UNC5C: variants seen among roughly 807,000 people sequenced by gnomAD.
UNC5C encodes the protein netrin receptor UNC5C.
Under a neutral mutation model 99.8 loss-of-function variants are expected in UNC5C, and 47 were observed. The ratio of observed to expected loss-of-function variants is 0.47; its 90% CI spans 0.37 to 0.60. The LOEUF (loss-of-function observed/expected upper bound fraction) is 0.60, where lower values mean the gene tolerates loss of function less well. Among genes scored for constraint, UNC5C ranks in the 20% least tolerant of loss-of-function variants. UNC5C has a pLI of 0.00. For missense variants in UNC5C, 1,062 were observed against 1,165.9 expected, an observed-to-expected ratio of 0.91 and a Z score of 1.30; for synonymous variants, 487 against 452.2, an observed-to-expected ratio of 1.08 and a Z score of -0.98.
At chr4:95,404,496 T>G (rs189588658) in intron 1 of UNC5C, among the ~76,000 whole-genome samples, 240 of 152,246 alleles carry the variant, frequency 1.6e-3, no homozygotes, top group Middle Eastern at 6.8e-3. Flanking sequence ...ATATAAATAG[T>G]TTTTTGCCTG....
chr4:95,358,063 T>G (rs1257328626), intron 1 of UNC5C, among the ~76,000 whole-genome samples: 1 of 152,128 alleles, frequency 6.6e-6, no homozygotes, highest in Non-Finnish European at 1.5e-5. Flanking sequence ...ATGTTTAGTA[T>G]AAGCTACCAT....
At chr4:95,432,889 C>T (rs1458440307) in intron 1 of UNC5C, among the ~76,000 whole-genome samples, 2 of 152,156 alleles carry the variant, frequency 1.3e-5, no homozygotes, top group African/African-American at 4.8e-5. Flanking sequence ...ACAGCCTTCA[C>T]ACTATGCTAC....
chr4:95,229,797 CTTTTTTTTTT>C lies in UNC5C; in HGVS notation c.1109-9631_1109-9622del, dbSNP rs71583694. Among the ~76,000 whole-genome samples, 25 of 79,550 alleles carry C rather than the reference CTTTTTTTTTT, an allele frequency of 3.1e-4. No homozygotes were observed. In the South Asian group the frequency reaches 7.0e-3, roughly 22 times the overall value. The allele number at this position is 79,550 out of a possible 152,430, so 52.2% of individuals were successfully genotyped here. A position where few individuals can be genotyped will look rare whatever the true frequency, so the allele number is the denominator to read the frequency against. On this transcript the variant is annotated intron_variant, in intron 7 of 15. Coordinates refer to ENST00000453304, the MANE Select transcript of UNC5C (RefSeq NM_003728.4). ...TATCCTCCCCAGAATCTGTTGTTTC[CTTTTTTTTTT>C]TTTTTTTTTTTTTTTTTTTTGAGAC...
chr4:95,304,330 C>A (rs923718398), intron 2 of UNC5C, among the ~76,000 whole-genome samples: 1 of 152,174 alleles, frequency 6.6e-6, no homozygotes, highest in Non-Finnish European at 1.5e-5. Context: ...CAATCCATCA[C>A]CCTTCTATGG....
At chr4:95,197,919 G>C (rs974624893) in intron 12 of UNC5C, among the ~76,000 whole-genome samples, 1 of 151,764 alleles carries the variant, frequency 6.6e-6, no homozygotes, top group Non-Finnish European at 1.5e-5. Context: ...CTGCCCATAC[G>C]GGTAAGACCA....
intron 1 of UNC5C, among the ~76,000 whole-genome samples, chr4:95,513,116 G>A (rs981087256): frequency 6.6e-6 from 1 of 152,134 alleles, no homozygotes; most frequent in African/African-American, 2.4e-5. Context: ...CTGAATGACC[G>A]AGGCTAAAAG....
chr4:95,474,667 A>C (rs528088720), intron 1 of UNC5C, among the ~76,000 whole-genome samples: 1 of 152,288 alleles, frequency 6.6e-6, no homozygotes, highest in Admixed American at 6.5e-5. Flanking sequence ...GTGGAAACAG[A>C]AATACAATTA....
intron 1 of UNC5C, among the ~76,000 whole-genome samples, chr4:95,434,151 C>T (rs1240623144): frequency 6.6e-6 from 1 of 152,100 alleles, no homozygotes; most frequent in Non-Finnish European, 1.5e-5. Flanking sequence ...TTCTAATCCA[C>T]TAGTTCATCT....
rs563419430 is a variant in UNC5C, at chr4:95,298,573, G to A, written c.490+3033C>T. Among the ~76,000 whole-genome samples, 13 of 152,094 alleles carry A rather than the reference G, an allele frequency of 8.5e-5. No individual in the cohort carries two copies. In the South Asian group the frequency reaches 1.7e-3, roughly 19 times the overall value. Reference sequence around the variant, plus strand: ...CCTCTTGCCCCTCCTTCAGGTCTTCGCAACTGTCAACTTCCTCAGCAAAGC... The same window carrying A: ...CCTCTTGCCCCTCCTTCAGGTCTTCACAACTGTCAACTTCCTCAGCAAAGC... On this transcript the variant is annotated intron_variant, in intron 3 of 15. Transcript: ENST00000453304.
At chr4:95,548,018 G>A (rs1002854515) in intron 1 of UNC5C, among the ~76,000 whole-genome samples, 12 of 152,180 alleles carry the variant, frequency 7.9e-5, no homozygotes, top group Non-Finnish European at 1.8e-4. Context: ...ACAAGCAGCC[G>A]GTTCCCCCAG....
intron 3 of UNC5C, among the ~76,000 whole-genome samples, chr4:95,293,472 C>T (rs550962242): frequency 6.6e-6 from 1 of 151,768 alleles, no homozygotes; most frequent in African/African-American, 2.4e-5. Flanking sequence ...TGCACACCAC[C>T]ACACTTGGTT....
chr4:95,278,464 T>C (rs181329982), intron 3 of UNC5C, 102 bp from the exon 4 acceptor site: 14 of 865,968 alleles, frequency 1.6e-5, no homozygotes, highest in Non-Finnish European at 2.2e-5. Context: ...ATCTGTGCTT[T>C]TTTTTCTTTC....
At chr4:95,190,619 C>A (rs1009976027) in intron 12 of UNC5C, among the ~76,000 whole-genome samples, 2 of 152,146 alleles carry the variant, frequency 1.3e-5, no homozygotes, top group African/African-American at 2.4e-5. Context: ...CGCCCAGCCC[C>A]CCTTGTACAG....
chr4:95,221,699 G>A (rs753669807), intron 7 of UNC5C, among the ~76,000 whole-genome samples: 1 of 152,178 alleles, frequency 6.6e-6, no homozygotes, highest in Admixed American at 6.5e-5. Context: ...CAGAAAACCA[G>A]TGATATCACA....
chr4:95,211,447 T>C lies in UNC5C; in HGVS notation c.1734-4651A>G, dbSNP rs1051478306. 3.9e-5 allele frequency among the ~76,000 whole-genome samples: 6 copies of C among 152,232 alleles called. 1 individual carries two copies. Among genetic ancestry groups the C allele is most frequent in the Non-Finnish European group, 8.8e-5 (6 of 68,046 alleles). ...TAAGCATTATGCTTATCTACCTCCA[T>C]TGAGGGACACTGATAGAAGCAGCCC... On this transcript the variant is annotated intron_variant, in intron 10 of 15. Coordinates refer to ENST00000453304, the MANE Select transcript of UNC5C (RefSeq NM_003728.4).
intron 12 of UNC5C, among the ~76,000 whole-genome samples, chr4:95,193,489 T>C (rs1737242116): frequency 6.6e-6 from 1 of 152,166 alleles, no homozygotes; most frequent in East Asian, 1.9e-4. Flanking sequence ...ATGCCACTCA[T>C]ATGAAACTTC....
chr4:95,522,185 T>C (rs770459350), intron 1 of UNC5C, among the ~76,000 whole-genome samples: 2 of 152,054 alleles, frequency 1.3e-5, no homozygotes, highest in Non-Finnish European at 1.5e-5. Flanking sequence ...TTTATTTCTA[T>C]ATATTAAGTA....
At chr4:95,512,792 A>G (rs967074373) in intron 1 of UNC5C, among the ~76,000 whole-genome samples, 2 of 152,180 alleles carry the variant, frequency 1.3e-5, no homozygotes, top group African/African-American at 4.8e-5. Context: ...CTACTAAGCA[A>G]AAGTAATTTT....
In UNC5C at chr4:95,168,032, T is replaced by C. The variant is rs1315237711; in HGVS notation, c.*1202A>G. 6.6e-6 allele frequency: 1 copy of C among 152,158 alleles called. No homozygotes were observed. The highest frequency in any genetic ancestry group is 6.5e-5 in the Admixed American group (1 of 15,276). 9.4% of individuals were successfully genotyped at this position (152,158 alleles called of 1,614,324 possible). ...CCCACAATGAGAACTGGTTTCTTGA[T>C]CTCCAGTTTAGAGTCCATTCCTCCA... On this transcript the variant is annotated 3_prime_UTR_variant, in exon 16 of 16. Coordinates refer to ENST00000453304, the MANE Select transcript of UNC5C (RefSeq NM_003728.4).
Sources: gnomAD v4.1 joint callset for allele counts (sites outside exome capture counted in the v4.1 genomes callset) on GRCh38, gnomAD v4.1.1 for gene constraint, MANE v1.5 for transcripts, NCBI Gene and HGNC (gene_info 2026-07-23, HGNC 2026-07-21) for gene names.